The following MYT1L variants were observed in gnomAD, a reference collection of about 807,000 sequenced individuals.
MYT1L encodes the protein myelin transcription factor 1 like.
Under a neutral mutation model 126.7 loss-of-function variants are expected in MYT1L, and 12 were observed. That is an observed-to-expected ratio of 0.09 (90% CI 0.06 to 0.15). MYT1L has a LOEUF of 0.15. MYT1L is among the 10% of genes least tolerant of loss of function. The pLI, the probability that MYT1L is intolerant of heterozygous loss-of-function variation, is 1.00. For synonymous variants in MYT1L, 541 were observed against 604.2 expected, an observed-to-expected ratio of 0.90 and a Z score of 1.53; for missense variants, 979 against 1,585.2, an observed-to-expected ratio of 0.62 and a Z score of 6.49.
At position 1,911,407 on chromosome 2, in the gene MYT1L, G is replaced by A. The variant is rs556042899; in HGVS notation, c.1709+613C>T. ...AAAAAAAAAGTTATCAGATAAGAAC[G>A]CAATATTATGGGCAGCTGAGTAGTT... On this transcript the variant is annotated intron_variant, in intron 12 of 24. Coordinates refer to ENST00000647738, the MANE Select transcript of MYT1L (RefSeq NM_001303052.2). Among the ~76,000 whole-genome samples, 17 of 152,234 alleles carry A rather than the reference G, an allele frequency of 1.1e-4. No individual in the cohort carries two copies. The East Asian group carries it at 1.4e-3, about 12-fold the overall frequency.
chr2:1,907,392 C>T (rs1355286081), intron 13 of MYT1L, among the ~76,000 whole-genome samples: 3 of 152,154 alleles, frequency 2.0e-5, no homozygotes, highest in Non-Finnish European at 4.4e-5. Flanking sequence ...GGCAAAAAAG[C>T]CAGGAGAACC....
At chr2:1,856,041 C>T (rs2043869889) in intron 18 of MYT1L, among the ~76,000 whole-genome samples, 1 of 152,162 alleles carries the variant, frequency 6.6e-6, no homozygotes, top group African/African-American at 2.4e-5. Flanking sequence ...ATTTACATTA[C>T]AGCCAACGTG....
chr2:2,158,729 C>T (rs2087213199), intron 3 of MYT1L, among the ~76,000 whole-genome samples: 2 of 149,716 alleles, frequency 1.3e-5, no homozygotes, highest in Admixed American at 1.3e-4. Context: ...CACACACACA[C>T]TTGAAATTGG....
chr2:2,140,432 C>CTTTTTTTT (rs35297300), intron 3 of MYT1L, among the ~76,000 whole-genome samples: 21 of 112,970 alleles, frequency 1.9e-4, no homozygotes, highest in Non-Finnish European at 2.0e-4. Flanking sequence ...CTTTCTTTTT[C>CTTTTTTTT]TTTTTTTTTT....
At chr2:2,199,445 C>T (rs1354253118) in intron 2 of MYT1L, among the ~76,000 whole-genome samples, 5 of 152,132 alleles carry the variant, frequency 3.3e-5, no homozygotes, top group East Asian at 3.9e-4. Flanking sequence ...TGACTATCTG[C>T]GGGGTATAGC....
At position 1,943,091 on chromosome 2, in the gene MYT1L, C is replaced by T. The variant is rs369740502; in HGVS notation, c.396G>A (p.Glu132=). 2 of 1,463,202 alleles carry T rather than the reference C, an allele frequency of 1.4e-6. No individual in the cohort carries two copies. 90.6% of individuals were successfully genotyped at this position (1,463,202 alleles called of 1,614,324 possible). The change falls in exon 9 of 25, where the codon GAG becomes GAA. Residue 132 remains glutamate, a synonymous_variant. Transcript: ENST00000647738. The surrounding 1 kb of genome is among the most constrained non-coding windows in gnomAD (Gnocchi z 4.4). ...EEDEEGDREE[E]EEIEEEDEDD... is the part of the protein sequence containing the mutation. The stretch of plus-strand genomic sequence containing the variant: ...CCTCATCCTCCTCCTCGATCTCCTC[C>T]TCCTCCTCCCGGTCCCCCTCCTCGT...
chr2:1,938,846 C>T (rs2056303774), intron 9 of MYT1L, among the ~76,000 whole-genome samples: 4 of 152,098 alleles, frequency 2.6e-5, no homozygotes, highest in Admixed American at 2.6e-4. Flanking sequence ...GCTGGAGGAT[C>T]CTTGAAATTA....
At chr2:1,833,870 G>A (rs1419149560) in intron 21 of MYT1L, among the ~76,000 whole-genome samples, 3 of 152,182 alleles carry the variant, frequency 2.0e-5, no homozygotes, top group Non-Finnish European at 4.4e-5. Flanking sequence ...AACCCTCAAC[G>A]CAGAAAGAGC....
intron 18 of MYT1L, among the ~76,000 whole-genome samples, chr2:1,868,189 C>A (rs1028362495): frequency 3.9e-5 from 6 of 152,150 alleles, no homozygotes; most frequent in African/African-American, 1.4e-4. Context: ...TTTTGAACTC[C>A]TGACCTCAGG....
intron 4 of MYT1L, among the ~76,000 whole-genome samples, chr2:2,002,364 C>A (rs1238321448): frequency 1.3e-5 from 2 of 152,188 alleles, no homozygotes; most frequent in Admixed American, 6.5e-5. Flanking sequence ...AAAACATTAT[C>A]TATGATACCA....
At chr2:2,266,619 G>C (rs2095136068) in intron 2 of MYT1L, among the ~76,000 whole-genome samples, 1 of 152,164 alleles carries the variant, frequency 6.6e-6, no homozygotes, top group African/African-American at 2.4e-5. Flanking sequence ...TTACAGGAAG[G>C]AGGGATAGTG....
At chr2:2,031,953 A>C (rs1204660908) in intron 4 of MYT1L, among the ~76,000 whole-genome samples, 1 of 138,944 alleles carries the variant, frequency 7.2e-6, no homozygotes. Context: ...TTCTAGAAGA[A>C]GGGCCTTATA....
chr2:2,187,100 T>C (rs1322122111), intron 2 of MYT1L, among the ~76,000 whole-genome samples: 1 of 152,126 alleles, frequency 6.6e-6, no homozygotes, highest in Non-Finnish European at 1.5e-5. Flanking sequence ...GGTAAGCAGG[T>C]TGCAGGCACA....
intron 11 of MYT1L, among the ~76,000 whole-genome samples, chr2:1,915,483 A>C (rs2052688603): frequency 7.0e-6 from 1 of 143,654 alleles, no homozygotes. Flanking sequence ...GGGAGTCAGA[A>C]GAATTTCCCA....
At chr2:2,209,909 C>G (rs896320308) in intron 2 of MYT1L, among the ~76,000 whole-genome samples, 9 of 152,158 alleles carry the variant, frequency 5.9e-5, no homozygotes, top group African/African-American at 2.2e-4. Context: ...AATTTACACT[C>G]CCACCAATAG....
intron 21 of MYT1L, among the ~76,000 whole-genome samples, chr2:1,820,541 T>TTTGTTG (rs538205555): frequency 3.9e-5 from 6 of 152,026 alleles, no homozygotes; most frequent in Non-Finnish European, 7.4e-5. Context: ...CAGTTGGCTT[T>TTTGTTG]TTGTTGTTGT....
chr2:1,853,372 C>T (rs1010595890), intron 18 of MYT1L, among the ~76,000 whole-genome samples: 4 of 152,188 alleles, frequency 2.6e-5, no homozygotes, highest in Non-Finnish European at 4.4e-5. Context: ...ATTGTTAGAC[C>T]TGATTTTTGT....
chr2:1,968,468 G>A (rs2059556269), intron 8 of MYT1L, among the ~76,000 whole-genome samples: 1 of 152,200 alleles, frequency 6.6e-6, no homozygotes. Flanking sequence ...TGTATAGGAA[G>A]CCTGTGTCTG....
intron 8 of MYT1L, among the ~76,000 whole-genome samples, chr2:1,965,828 C>G (rs1029545952): frequency 6.6e-6 from 1 of 152,220 alleles, no homozygotes; most frequent in African/African-American, 2.4e-5. Context: ...TTTCAGTGGC[C>G]CTGTCTGGGC....
Sources: gnomAD v4.1 joint callset for allele counts (sites outside exome capture counted in the v4.1 genomes callset) on GRCh38, gnomAD v4.1.1 for gene constraint, Gnocchi (gnomAD v3.1) non-coding constraint, MANE v1.5 for transcripts, NCBI Gene and HGNC (gene_info 2026-07-23, HGNC 2026-07-21) for gene names.